The following ANO2 variants were observed in gnomAD, a reference collection of about 807,000 sequenced individuals.
The protein encoded by ANO2 is anoctamin 2.
In ANO2, 101 loss-of-function variants were observed where a neutral mutation model predicts 124.2. The observed-to-expected ratio is 0.81, with a 90% CI of 0.69 to 0.96. The LOEUF (loss-of-function observed/expected upper bound fraction) is 0.96. Among genes scored for constraint, ANO2 ranks in the 40% least tolerant of loss-of-function variants. The probability of loss-of-function intolerance (pLI) is 0.00; values close to 1 mark genes in which losing one functional copy is unlikely to be tolerated. For missense variants in ANO2, 1,293 were observed against 1,274.5 expected, an observed-to-expected ratio of 1.01 and a Z score of -0.22; for synonymous variants, 486 against 482.5, an observed-to-expected ratio of 1.01 and a Z score of -0.09.
chr12:5,847,371 CTCCA>C (rs1393150423), intron 4 of ANO2, among the ~76,000 whole-genome samples: 1 of 152,096 alleles, frequency 6.6e-6, no homozygotes, highest in Non-Finnish European at 1.5e-5. Flanking sequence ...TCTCCTGGGT[CTCCA>C]TCGCATGAAC....
chr12:5,682,191 T>C (rs145493150), intron 14 of ANO2, among the ~76,000 whole-genome samples: 1 of 152,346 alleles, frequency 6.6e-6, no homozygotes, highest in African/African-American at 2.4e-5. Context: ...TCCCAACTCC[T>C]ATATTTATCA....
intron 4 of ANO2, among the ~76,000 whole-genome samples, chr12:5,850,778 G>C (rs960506865): frequency 7.2e-5 from 11 of 152,292 alleles, no homozygotes; most frequent in Non-Finnish European, 1.2e-4. Flanking sequence ...CTTACAGAGG[G>C]AGCACTATCA....
At chr12:5,620,250 TA>T (rs2136917080) in intron 16 of ANO2, among the ~76,000 whole-genome samples, 1 of 152,274 alleles carries the variant, frequency 6.6e-6, no homozygotes, top group East Asian at 1.9e-4. Flanking sequence ...AAAACAGTAT[TA>T]GTGGAGAAAG....
chr12:5,937,333 T>C (rs1032969265), intron 1 of ANO2, among the ~76,000 whole-genome samples: 4 of 152,236 alleles, frequency 2.6e-5, no homozygotes, highest in Non-Finnish European at 5.9e-5. Flanking sequence ...CTTTTTCATA[T>C]ACCTGTTGGC....
At chr12:5,720,601 G>A (rs17785739) in intron 14 of ANO2, among the ~76,000 whole-genome samples, 33,508 of 152,128 alleles carry the variant, frequency 0.22, 3,909 homozygotes, top group Middle Eastern at 0.27. Context: ...TAGCAACTAC[G>A]CTATTCCAAC....
intron 14 of ANO2, among the ~76,000 whole-genome samples, chr12:5,668,956 G>A (rs1358962877): frequency 1.3e-5 from 2 of 152,018 alleles, no homozygotes; most frequent in African/African-American, 2.4e-5. Context: ...TAGCCTTGTA[G>A]TACAGTTTGA....
At chr12:5,680,087 G>A (rs1254458962) in intron 14 of ANO2, among the ~76,000 whole-genome samples, 2 of 152,220 alleles carry the variant, frequency 1.3e-5, no homozygotes, top group African/African-American at 4.8e-5. Flanking sequence ...GCTGAATGAT[G>A]AGAACACATG....
intron 16 of ANO2, among the ~76,000 whole-genome samples, chr12:5,617,794 C>T (rs1944903509): frequency 1.3e-5 from 2 of 152,248 alleles, no homozygotes; most frequent in South Asian, 4.1e-4. Flanking sequence ...TTTCCGGAAG[C>T]GTTACTACAT....
intron 14 of ANO2, among the ~76,000 whole-genome samples, chr12:5,708,485 T>C (rs541999929): frequency 1.2e-4 from 18 of 152,192 alleles, no homozygotes; most frequent in African/African-American, 4.3e-4. Flanking sequence ...CCTTCTACCA[T>C]GAAGGCATTC....
At chr12:5,945,369 C>G (rs1317658761), upstream of ANO2, 1 of 793,168 alleles carries the variant, frequency 1.3e-6, no homozygotes, top group Non-Finnish European at 1.6e-6. Flanking sequence ...TCCCGGCCGC[C>G]GGCGCCGCGC....
intron 14 of ANO2, among the ~76,000 whole-genome samples, chr12:5,722,384 G>A (rs947152948): frequency 2.0e-5 from 3 of 152,114 alleles, no homozygotes; most frequent in African/African-American, 7.2e-5. Flanking sequence ...GCGGGCGCCT[G>A]TAGTCCCAGC....
Position 5,769,849 on chromosome 12 carries a change from G to T in ANO2, c.1056-18879C>A, listed in dbSNP as rs1203752063. On this transcript the variant is annotated intron_variant, in intron 10 of 24. Coordinates refer to ENST00000682330, the MANE Select transcript of ANO2 (RefSeq NM_001364791.2). The surrounding 1 kb of genome is among the most constrained non-coding windows in gnomAD (Gnocchi z 4.0). The stretch of plus-strand genomic sequence containing the variant: ...GGCTTGTGAAGGGTCCTTTCCCTGG[G>T]TATTATACACAGCCCCACCTAAGGG... 6.6e-6 allele frequency among the ~76,000 whole-genome samples: 1 copy of T among 152,144 alleles called. No homozygotes were observed. The highest frequency in any genetic ancestry group is 1.5e-5 in the Non-Finnish European group (1 of 68,028).
chr12:5,726,151 T>G (rs935285366), intron 14 of ANO2, among the ~76,000 whole-genome samples: 5 of 150,924 alleles, frequency 3.3e-5, no homozygotes, highest in African/African-American at 1.2e-4. Context: ...AAAAAAAAAA[T>G]CCACGCTATT....
chr12:5,903,171 C>T (rs1247533898), intron 3 of ANO2, among the ~76,000 whole-genome samples: 2 of 151,726 alleles, frequency 1.3e-5, no homozygotes, highest in African/African-American at 4.8e-5. Flanking sequence ...AAAGCCAGGC[C>T]AGAAGAGGAA....
At chr12:5,839,637 G>A (rs1212044711) in intron 4 of ANO2, 3 of 455,854 alleles carry the variant, frequency 6.6e-6, no homozygotes, top group African/African-American at 2.0e-5. Context: ...GTGGTTGATT[G>A]TGGTAAGCCC....
intron 14 of ANO2, among the ~76,000 whole-genome samples, chr12:5,712,224 C>A (rs1207772583): frequency 7.9e-5 from 12 of 152,046 alleles, no homozygotes; most frequent in Non-Finnish European, 1.3e-4. Flanking sequence ...GAATTGTGCT[C>A]CACCCACTAA....
At chr12:5,584,881 A>G (rs1216089107) in intron 20 of ANO2, among the ~76,000 whole-genome samples, 2 of 152,096 alleles carry the variant, frequency 1.3e-5, no homozygotes, top group African/African-American at 4.8e-5. Flanking sequence ...CCATCCACTC[A>G]CTCATGCATT....
At chr12:5,592,051 T>C (rs1045811104) in intron 20 of ANO2, among the ~76,000 whole-genome samples, 5 of 152,152 alleles carry the variant, frequency 3.3e-5, no homozygotes, top group Non-Finnish European at 7.3e-5. Context: ...ATAATAAACA[T>C]GGTTCATTTT....
chr12:5,713,046 T>C (rs1182674113), intron 14 of ANO2, among the ~76,000 whole-genome samples: 1 of 152,166 alleles, frequency 6.6e-6, no homozygotes, highest in Non-Finnish European at 1.5e-5. Flanking sequence ...TCTGGATGGA[T>C]ACCTCTGACA....
Sources: allele counts gnomAD v4.1 joint callset (sites outside exome capture counted in the v4.1 genomes callset), GRCh38; gene constraint gnomAD v4.1.1; non-coding constraint Gnocchi (gnomAD v3.1); transcripts MANE v1.5; gene names NCBI Gene and HGNC (gene_info 2026-07-23, HGNC 2026-07-21).